EBF1: variants seen among roughly 807,000 people sequenced by gnomAD.
EBF1 encodes transcription factor COE1.
EBF1 carries 10 observed loss-of-function variants against 68.4 expected under a neutral mutation model. The ratio of observed to expected loss-of-function variants is 0.15; its 90% CI spans 0.09 to 0.25. The LOEUF is 0.25. Among genes scored for constraint, EBF1 ranks in the 10% least tolerant of loss-of-function variants. The probability of loss-of-function intolerance (pLI) is 1.00; values close to 1 mark genes in which losing one functional copy is unlikely to be tolerated. For missense variants in EBF1, 509 were observed against 794.4 expected, an observed-to-expected ratio of 0.64 and a Z score of 4.32; for synonymous variants, 298 against 299.8, an observed-to-expected ratio of 0.99 and a Z score of 0.06.
chr5:158,845,073 A>C (rs1214586214), intron 6 of EBF1, among the ~76,000 whole-genome samples: 1 of 152,188 alleles, frequency 6.6e-6, no homozygotes, highest in African/African-American at 2.4e-5. Context: ...ATTTTTAAAA[A>C]ATCATCCCTG....
chr5:158,965,703 C>G (rs1188771405), intron 6 of EBF1, among the ~76,000 whole-genome samples: 1 of 152,200 alleles, frequency 6.6e-6, no homozygotes. Flanking sequence ...GGATGCTACA[C>G]TTTTTCTAAT....
intron 6 of EBF1, among the ~76,000 whole-genome samples, chr5:159,059,391 T>TTGAGTGA (rs1026767144): frequency 2.0e-5 from 3 of 149,164 alleles, no homozygotes; most frequent in Non-Finnish European, 4.4e-5. Flanking sequence ...ATTTCACGAG[T>TTGAGTGA]AATGTTGAGT....
intron 8 of EBF1, among the ~76,000 whole-genome samples, chr5:158,816,039 C>T (rs775787879): frequency 1.3e-5 from 2 of 152,182 alleles, no homozygotes; most frequent in Non-Finnish European, 2.9e-5. Flanking sequence ...TAACATGCCA[C>T]CCTCAGTCAC....
intron 10 of EBF1, among the ~76,000 whole-genome samples, chr5:158,768,231 A>G (rs1477673853): frequency 6.6e-6 from 1 of 152,112 alleles, no homozygotes; most frequent in Non-Finnish European, 1.5e-5. Context: ...GGAGAAACCA[A>G]ATTCCAGGGG....
chr5:158,885,410 G>T (rs369448659), intron 6 of EBF1, among the ~76,000 whole-genome samples: 2 of 152,186 alleles, frequency 1.3e-5, no homozygotes, highest in African/African-American at 4.8e-5. Context: ...TCAGTAATGC[G>T]GTCAGGAGTT....
At chr5:158,996,530 T>C (rs888107052) in intron 6 of EBF1, among the ~76,000 whole-genome samples, 1 of 152,230 alleles carries the variant, frequency 6.6e-6, no homozygotes, top group South Asian at 2.1e-4. Flanking sequence ...GAGCTTATTC[T>C]AAATTACTTA....
intron 9 of EBF1, among the ~76,000 whole-genome samples, chr5:158,792,767 C>A (rs541497739): frequency 9.2e-5 from 14 of 152,236 alleles, no homozygotes; most frequent in African/African-American, 3.1e-4. Context: ...CTTGCCCTAG[C>A]GTAGGCATGT....
At chr5:158,757,375 AAG>A (rs1330005257) in intron 10 of EBF1, among the ~76,000 whole-genome samples, 1 of 152,130 alleles carries the variant, frequency 6.6e-6, no homozygotes, top group African/African-American at 2.4e-5. Flanking sequence ...CTCTCATTAC[AAG>A]AGTCACTGAG....
chr5:158,721,455 A>C (rs768040066), intron 11 of EBF1, among the ~76,000 whole-genome samples: 2 of 152,202 alleles, frequency 1.3e-5, no homozygotes, highest in Non-Finnish European at 2.9e-5. Flanking sequence ...GAAATGAACA[A>C]GAGATTTTGT....
At chr5:158,851,247 C>T (rs1328276880) in intron 6 of EBF1, among the ~76,000 whole-genome samples, 7 of 150,934 alleles carry the variant, frequency 4.6e-5, no homozygotes, top group Admixed American at 1.3e-4. Flanking sequence ...TGGTGGTGCA[C>T]ACCTGTAATT....
chr5:158,988,496 T>C (rs1052540975), intron 6 of EBF1, among the ~76,000 whole-genome samples: 1 of 152,192 alleles, frequency 6.6e-6, no homozygotes, highest in Non-Finnish European at 1.5e-5. Flanking sequence ...CTCTCACTTC[T>C]AAGCTCTCCA....
intron 4 of EBF1, among the ~76,000 whole-genome samples, chr5:159,087,353 T>TACACATATATATATACAC (rs1561985806): frequency 8.3e-6 from 1 of 120,256 alleles, no homozygotes. Flanking sequence ...CATATATATA[T>TACACATATATATATACAC]ACACATATAT....
At chr5:159,082,929 T>C (rs775324768) in intron 5 of EBF1, among the ~76,000 whole-genome samples, 1 of 152,182 alleles carries the variant, frequency 6.6e-6, no homozygotes, top group Non-Finnish European at 1.5e-5. Flanking sequence ...ATAAAGTACT[T>C]TGGACCAGTG....
chr5:158,937,825 G>T (rs1028126712), intron 6 of EBF1, among the ~76,000 whole-genome samples: 3 of 152,202 alleles, frequency 2.0e-5, no homozygotes, highest in African/African-American at 7.2e-5. Context: ...GACACGTCAA[G>T]ATGTATTTCA....
chr5:158,939,398 CT>C (rs1583319754), intron 6 of EBF1, among the ~76,000 whole-genome samples: 1 of 152,272 alleles, frequency 6.6e-6, no homozygotes, highest in East Asian at 1.9e-4. Flanking sequence ...GCTGGAAAGC[CT>C]CCTAGAAGAG....
intron 6 of EBF1, among the ~76,000 whole-genome samples, chr5:159,047,679 C>A (rs532082367): frequency 1.3e-5 from 2 of 152,278 alleles, no homozygotes; most frequent in South Asian, 4.2e-4. Context: ...AGACTCCCTA[C>A]AAAAGAAAAC....
At chr5:158,798,735 A>G (rs1184759440) in intron 8 of EBF1, among the ~76,000 whole-genome samples, 3 of 152,224 alleles carry the variant, frequency 2.0e-5, no homozygotes, top group Middle Eastern at 3.2e-3. Context: ...CTATATGTCA[A>G]TGCCTCAGAG....
intron 9 of EBF1, among the ~76,000 whole-genome samples, chr5:158,792,810 G>C (rs1334073724): frequency 6.6e-6 from 1 of 152,136 alleles, no homozygotes; most frequent in Non-Finnish European, 1.5e-5. Flanking sequence ...ATTCTACCTA[G>C]AATCCAGTGG....
At chr5:158,894,135 A>G (rs1266760725) in intron 6 of EBF1, among the ~76,000 whole-genome samples, 1 of 152,214 alleles carries the variant, frequency 6.6e-6, no homozygotes, top group Non-Finnish European at 1.5e-5. Flanking sequence ...AAATTAACAT[A>G]TCCTTTAAAA....
Sources: allele counts gnomAD v4.1 joint callset (sites outside exome capture counted in the v4.1 genomes callset), GRCh38; gene constraint gnomAD v4.1.1; transcripts MANE v1.5; gene names NCBI Gene and HGNC (gene_info 2026-07-23, HGNC 2026-07-21).